PSIP1: variants seen among roughly 807,000 people sequenced by gnomAD.
PSIP1 encodes PC4 and SRSF1 interacting protein 1.
Under a neutral mutation model 74.7 loss-of-function variants are expected in PSIP1, and 19 were observed. The observed-to-expected ratio is 0.25, with a 90% CI of 0.18 to 0.37. PSIP1 has a LOEUF of 0.37. PSIP1 is among the 10% of genes least tolerant of loss of function. PSIP1 has a pLI of 1.00. For synonymous variants in PSIP1, 222 were observed against 195.3 expected, an observed-to-expected ratio of 1.14 and a Z score of -1.14; for missense variants, 601 against 614.3, an observed-to-expected ratio of 0.98 and a Z score of 0.23.
intron 3 of PSIP1, among the ~76,000 whole-genome samples, chr9:15,495,504 A>C (rs2037032789): frequency 1.3e-5 from 2 of 152,206 alleles, no homozygotes; most frequent in Admixed American, 1.3e-4. Flanking sequence ...ATACCAACTT[A>C]GTATGCTGTA....
intron 9 of PSIP1, 42 bp from the exon 10 acceptor site, chr9:15,472,792 A>C (rs2035896832): frequency 1.3e-6 from 2 of 1,518,222 alleles, no homozygotes; most frequent in Non-Finnish European, 1.8e-6. Context: ...CTATAAAGTC[A>C]GTGACTAGTG....
intron 2 of PSIP1, among the ~76,000 whole-genome samples, chr9:15,508,745 A>G (rs371340579): frequency 3.4e-4 from 52 of 152,318 alleles, no homozygotes; most frequent in African/African-American, 1.2e-3. Flanking sequence ...TAGGTGCATC[A>G]TATATACTAC....
Position 15,465,092 on chromosome 9 carries a change from A to G in PSIP1, c.*428T>C. 8.7e-6 allele frequency: 2 copies of G among 229,338 alleles called. No homozygotes were observed. The allele number at this position is 229,338 out of a possible 1,614,324, so 14.2% of individuals were successfully genotyped here. On this transcript the variant is annotated 3_prime_UTR_variant, in exon 16 of 16. Coordinates refer to ENST00000380733, the MANE Select transcript of PSIP1 (RefSeq NM_033222.5). ...AATGTGTAACTTCTACAAAACCCAC[A>G]AACAGTGAAAAGACAGTCTGGTAAA...
At chr9:15,479,754 A>G in intron 6 of PSIP1, 67 bp from the exon 7 acceptor site, 8 of 1,217,326 alleles carry the variant, frequency 6.6e-6, no homozygotes, top group Non-Finnish European at 9.6e-6. Context: ...ATTCGATGGC[A>G]AAAATATGCC....
In PSIP1 at chr9:15,510,231, G is replaced by A. The variant is rs764380448; in HGVS notation, c.-43C>T. On this transcript the variant is annotated 5_prime_UTR_variant, in exon 2 of 16. Coordinates refer to ENST00000380733, the MANE Select transcript of PSIP1 (RefSeq NM_033222.5). The stretch of plus-strand genomic sequence containing the variant: ...GGGGGTCCGAAGCCCGGGAGGCGGC[G>A]AGGAGATGCGGCGGCGCGGGGATGC... 2.5e-6 allele frequency: 4 copies of A among 1,574,604 alleles called. No homozygotes were observed. The highest frequency in any genetic ancestry group is 3.5e-5 in the Admixed American group (2 of 57,424).
At chr9:15,501,717 G>A (rs2132213835) in intron 3 of PSIP1, among the ~76,000 whole-genome samples, 1 of 151,832 alleles carries the variant, frequency 6.6e-6, no homozygotes, top group East Asian at 1.9e-4. Context: ...TGATCTGACT[G>A]AGATATAAAG....
At chr9:15,494,758 T>C (rs1173106582) in intron 3 of PSIP1, among the ~76,000 whole-genome samples, 1 of 152,128 alleles carries the variant, frequency 6.6e-6, no homozygotes, top group African/African-American at 2.4e-5. Context: ...CAAATTTACT[T>C]TGGAGTTAAA....
chr9:15,472,026 T>G, intron 10 of PSIP1: 1 of 971,362 alleles, frequency 1.0e-6, no homozygotes, highest in Non-Finnish European at 1.2e-6. Context: ...TTACTTTTCC[T>G]TCTAGTAATA....
rs1018394484 is a variant in PSIP1 at position 15,500,104 on chromosome 9, A to G, written c.149+6457T>C. 5.3e-5 allele frequency among the ~76,000 whole-genome samples: 8 copies of G among 152,304 alleles called. No homozygotes were observed. The East Asian group carries it at 7.7e-4, about 15-fold the overall frequency. ...ATTTTATAATAGCATGTATTAGTCT[A>G]TAACAGAAAAATTATTCAACAGACA... is the stretch of plus-strand genomic sequence containing the variant. On this transcript the variant is annotated intron_variant, in intron 3 of 15. Coordinates refer to ENST00000380733, the MANE Select transcript of PSIP1 (RefSeq NM_033222.5).
intron 9 of PSIP1, among the ~76,000 whole-genome samples, chr9:15,473,064 A>G (rs1299801718): frequency 2.0e-5 from 3 of 152,184 alleles, no homozygotes; most frequent in Non-Finnish European, 4.4e-5. Flanking sequence ...TACATGACCT[A>G]TCCAATTTAA....
chr9:15,483,226 A>C (rs1387585064), intron 6 of PSIP1, among the ~76,000 whole-genome samples: 1 of 152,132 alleles, frequency 6.6e-6, no homozygotes, highest in African/African-American at 2.4e-5. Context: ...TCTTCACTCC[A>C]GTTCCCACAG....
At chr9:15,510,350 G>T (rs566283055) in intron 1 of PSIP1, 21 bp from the exon 2 acceptor site, 2 of 221,624 alleles carry the variant, frequency 9.0e-6, no homozygotes, top group East Asian at 1.3e-4. Flanking sequence ...CACCGAGGGC[G>T]GTTAAAGCGA....
chr9:15,477,718 CAA>C (rs1217919890), intron 8 of PSIP1, among the ~76,000 whole-genome samples: 5 of 151,602 alleles, frequency 3.3e-5, no homozygotes, highest in Non-Finnish European at 5.9e-5. Flanking sequence ...TGCAAAAAAC[CAA>C]AAAACACGCA....
chr9:15,507,803 A>C (rs12006472), intron 2 of PSIP1, among the ~76,000 whole-genome samples: 2,092 of 152,334 alleles, frequency 0.014, 40 homozygotes, highest in African/African-American at 0.048. Flanking sequence ...TTGCAGAAGA[A>C]GACCATCAGG....
At chr9:15,488,656 G>A (rs895706785) in intron 4 of PSIP1, among the ~76,000 whole-genome samples, 8 of 152,150 alleles carry the variant, frequency 5.3e-5, no homozygotes, top group African/African-American at 1.9e-4. Context: ...GGAAGCCGAG[G>A]TGGGCAGATC....
At chr9:15,498,504 A>G (rs1051108088) in intron 3 of PSIP1, among the ~76,000 whole-genome samples, 2 of 144,302 alleles carry the variant, frequency 1.4e-5, no homozygotes, top group Admixed American at 6.9e-5. Flanking sequence ...CAGCAGATGG[A>G]AAAAAAAAAA....
intron 6 of PSIP1, among the ~76,000 whole-genome samples, chr9:15,481,745 C>T (rs1285700724): frequency 6.6e-6 from 1 of 152,096 alleles, no homozygotes; most frequent in African/African-American, 2.4e-5. Flanking sequence ...ATAAGTGTAA[C>T]AAGTTCATCA....
rs1160816072 is a variant in PSIP1 at position 15,464,490 on chromosome 9, G to T, written c.*1030C>A. On this transcript the variant is annotated 3_prime_UTR_variant, in exon 16 of 16. Transcript: ENST00000380733. ...CTGGATTTAGTCCATACACGTCAAT[G>T]TACAGACTTATCAAAGTACAATGCT... 2 of 201,066 alleles carry T rather than the reference G, an allele frequency of 9.9e-6. No individual in the cohort carries two copies. The highest frequency in any genetic ancestry group is 4.6e-5 in the African/African-American group (2 of 43,522). The allele number at this position is 201,066 out of a possible 1,614,324, so 12.5% of individuals were successfully genotyped here.
At chr9:15,482,409 T>C (rs2036375215) in intron 6 of PSIP1, among the ~76,000 whole-genome samples, 1 of 152,202 alleles carries the variant, frequency 6.6e-6, no homozygotes, top group Non-Finnish European at 1.5e-5. Context: ...TTACTCAATC[T>C]ATTCTTCCCG....
Sources: allele counts gnomAD v4.1 joint callset (sites outside exome capture counted in the v4.1 genomes callset), GRCh38; gene constraint gnomAD v4.1.1; transcripts MANE v1.5; gene names NCBI Gene and HGNC (gene_info 2026-07-23, HGNC 2026-07-21).